The following ALPK1 variants were observed in gnomAD, a reference collection of about 807,000 sequenced individuals.
ALPK1 encodes the protein alpha kinase 1.
In ALPK1, 110 loss-of-function variants were observed where a neutral mutation model predicts 120.6. The ratio of observed to expected loss-of-function variants is 0.91; its 90% CI spans 0.78 to 1.07. The LOEUF (loss-of-function observed/expected upper bound fraction) is 1.07, where lower values mean the gene tolerates loss of function less well. Ranked by LOEUF, ALPK1 falls within the 50% of genes least tolerant of loss-of-function variation. The pLI is 0.00. For missense variants in ALPK1, 1,498 were observed against 1,483.9 expected (o/e 1.01, Z -0.16); for synonymous variants, 582 against 560.3 (o/e 1.04, Z -0.55).
At chr4:112,434,286 A>G (rs1302412177) in intron 11 of ALPK1, among the ~76,000 whole-genome samples, 1 of 152,010 alleles carries the variant, frequency 6.6e-6, no homozygotes, top group Non-Finnish European at 1.5e-5. Context: ...CTCACCTTCC[A>G]TTTCCATCCG....
chr4:112,389,123 C>A (rs1171917772), intron 4 of ALPK1, among the ~76,000 whole-genome samples: 2 of 151,106 alleles, frequency 1.3e-5, no homozygotes, highest in Non-Finnish European at 2.9e-5. Context: ...CGGCTCACTG[C>A]TGCCTCCACC....
In ALPK1 at chr4:112,377,718, G is replaced by A; in HGVS notation, c.-60G>A. On this transcript the variant is annotated 5_prime_UTR_variant, in exon 3 of 16. It removes an upstream start codon present in the reference 5' UTR. Transcript: ENST00000650871. ...AGGGGCTCCTTTATTGAGAATCAAT[G>A]TCTTCTCCTAGGTAATTGATCACCC... 6.9e-7 allele frequency: 1 copy of A among 1,441,446 alleles called. No individual in the cohort carries two copies. The highest frequency in any genetic ancestry group is 9.3e-7 in the Non-Finnish European group (1 of 1,079,020). 89.3% of individuals were successfully genotyped at this position (1,441,446 alleles called of 1,614,324 possible). A position where few individuals can be genotyped will look rare whatever the true frequency, so the allele number is the denominator to read the frequency against.
At chr4:112,435,405 A>G in intron 12 of ALPK1, 104 bp downstream of exon 12, 1 of 1,042,992 alleles carries the variant, frequency 9.6e-7, no homozygotes, top group East Asian at 2.5e-5. Flanking sequence ...AAACTTGGCC[A>G]AAATATATTT....
intron 4 of ALPK1, chr4:112,384,232 C>G (rs1732051175): frequency 6.6e-6 from 1 of 152,164 alleles, no homozygotes; most frequent in Non-Finnish European, 1.5e-5. Flanking sequence ...AATTCTCCAT[C>G]AGGAAGCACC....
At chr4:112,417,447 G>A (rs1733794182) in intron 5 of ALPK1, among the ~76,000 whole-genome samples, 1 of 152,092 alleles carries the variant, frequency 6.6e-6, no homozygotes, top group South Asian at 2.1e-4. Flanking sequence ...TACAATCAAG[G>A]AAGGTTTATT....
intron 3 of ALPK1, among the ~76,000 whole-genome samples, 183 bp downstream of exon 3, chr4:112,378,081 G>T (rs1731748360): frequency 6.6e-6 from 1 of 151,786 alleles, no homozygotes; most frequent in Non-Finnish European, 1.5e-5. Context: ...AGGGGAGGAA[G>T]CCCACTTTGT....
chr4:112,354,189 A>G (rs1730493503), intron 2 of ALPK1, among the ~76,000 whole-genome samples: 1 of 151,540 alleles, frequency 6.6e-6, no homozygotes, highest in Admixed American at 6.6e-5. Context: ...TCATTTTACT[A>G]ATCAGAAGTT....
intron 4 of ALPK1, among the ~76,000 whole-genome samples, chr4:112,393,280 G>T (rs1732506121): frequency 6.6e-6 from 1 of 152,144 alleles, no homozygotes; most frequent in South Asian, 2.1e-4. Flanking sequence ...TGGCCTGCTA[G>T]CTTCTCTCCA....
At chr4:112,347,739 C>T (rs929485364) in intron 2 of ALPK1, among the ~76,000 whole-genome samples, 2 of 152,196 alleles carry the variant, frequency 1.3e-5, no homozygotes, top group African/African-American at 4.8e-5. Flanking sequence ...TTTACAGATA[C>T]AGTGCATCTT....
chr4:112,426,282 G>C (rs1435932920), intron 7 of ALPK1, 185 bp from the exon 8 acceptor site: 2 of 394,550 alleles, frequency 5.1e-6, no homozygotes, highest in Non-Finnish European at 9.0e-6. Flanking sequence ...CAGTGAAATG[G>C]AAAAATTGTC....
In ALPK1 at chr4:112,400,304, A is replaced by C. The variant is rs561982162; in HGVS notation, c.277-11523A>C. Among the ~76,000 whole-genome samples the C allele has an allele frequency of 1.2e-4, 18 of 152,350 alleles. No homozygotes were observed. The East Asian group carries it at 3.5e-3, about 29-fold the overall frequency. On this transcript the variant is annotated intron_variant, in intron 4 of 15. Coordinates refer to ENST00000650871, the MANE Select transcript of ALPK1 (RefSeq NM_025144.4). ...TAAGTAAGATATTGGTATCACACTT[A>C]CCAGAGAAGGGTAGATGAAACACAT... is the stretch of plus-strand genomic sequence containing the variant.
At chr4:112,334,443 A>AAAAG (rs1553935919) in intron 2 of ALPK1, among the ~76,000 whole-genome samples, 1 of 151,516 alleles carries the variant, frequency 6.6e-6, no homozygotes, top group African/African-American at 2.4e-5. Context: ...AAAAAAAAAA[A>AAAAG]AAAAGAAAAG....
chr4:112,379,193 T>A (rs1177210727), intron 3 of ALPK1, among the ~76,000 whole-genome samples: 1 of 152,272 alleles, frequency 6.6e-6, no homozygotes, highest in Non-Finnish European at 1.5e-5. Context: ...TGATGAAGAC[T>A]CTGAGCTCCC....
intron 12 of ALPK1, among the ~76,000 whole-genome samples, chr4:112,436,250 A>G (rs192869222): frequency 6.6e-6 from 1 of 152,142 alleles, no homozygotes; most frequent in African/African-American, 2.4e-5. Context: ...TAAATGATTT[A>G]TATGCTAATT....
At chr4:112,314,825 G>A (rs1041468757) in intron 1 of ALPK1, among the ~76,000 whole-genome samples, 3 of 151,872 alleles carry the variant, frequency 2.0e-5, no homozygotes, top group African/African-American at 7.3e-5. Flanking sequence ...CCTTTGAGAG[G>A]GTTATAGGAG....
chr4:112,439,921 T>A (rs1734960746), intron 14 of ALPK1, 49 bp downstream of exon 14: 16 of 1,453,618 alleles, frequency 1.1e-5, no homozygotes, highest in Non-Finnish European at 1.5e-5. Flanking sequence ...TATGTAAATG[T>A]GAAGTTTTGT....
rs530641587 is a variant in ALPK1, at chr4:112,429,398, T to C, written c.900+145T>C. ...AATTGTGATAAGACTCCACACCACA[T>C]ATGGAAAAATTTTATTGGTCGGAGT... On this transcript the variant is annotated intron_variant, in intron 10 of 15. Transcript: ENST00000650871. 24 of 632,922 alleles carry C rather than the reference T, an allele frequency of 3.8e-5. No individual in the cohort carries two copies. The East Asian group carries it at 6.6e-4, about 18-fold the overall frequency. The allele number at this position is 632,922 out of a possible 1,614,324, so 39.2% of individuals were successfully genotyped here.
At chr4:112,372,226 T>TC (rs1731444917) in intron 2 of ALPK1, among the ~76,000 whole-genome samples, 1 of 151,324 alleles carries the variant, frequency 6.6e-6, no homozygotes, top group Non-Finnish European at 1.5e-5. Flanking sequence ...TTTTTTTTTT[T>TC]CTTTTGAGAT....
At chr4:112,433,819 C>T (rs996734661) in intron 11 of ALPK1, among the ~76,000 whole-genome samples, 35 of 152,292 alleles carry the variant, frequency 2.3e-4, no homozygotes, top group African/African-American at 6.3e-4. Context: ...TCAACCCTGG[C>T]GCCACATGAG....
Sources: gnomAD v4.1 joint callset for allele counts (sites outside exome capture counted in the v4.1 genomes callset) on GRCh38, gnomAD v4.1.1 for gene constraint, MANE v1.5 for transcripts, NCBI Gene and HGNC (gene_info 2026-07-23, HGNC 2026-07-21) for gene names.